The following CLASRP variants were observed in gnomAD, a reference collection of about 807,000 sequenced individuals.
CLASRP encodes CLK4 associating serine/arginine rich protein.
A neutral mutation model predicts 99.9 loss-of-function variants in CLASRP; 52 were observed. The observed-to-expected ratio is 0.52, with a 90% CI of 0.42 to 0.66. The LOEUF is 0.66. Ranked by LOEUF, CLASRP falls within the 30% of genes least tolerant of loss-of-function variation. CLASRP has a pLI of 0.00. For synonymous variants in CLASRP, 379 were observed against 373.0 expected (o/e 1.02, Z -0.18); for missense variants, 848 against 999.2 (o/e 0.85, Z 2.04).
chr19:45,060,323 A>T lies in CLASRP; in HGVS notation c.711-66A>T, dbSNP rs192316894. 28 of 1,438,326 alleles carry T rather than the reference A, an allele frequency of 1.9e-5. No individual in the cohort carries two copies. The Admixed American group carries it at 3.4e-4, about 17-fold the overall frequency. 89.1% of individuals were successfully genotyped at this position (1,438,326 alleles called of 1,614,324 possible). ...GGTCCCTCACTTTCTCTGATGACTC[A>T]GTCTGTGTCCTCCTTACCCTGTGGC... On this transcript the variant is annotated intron_variant, in intron 8 of 20. Transcript: ENST00000221455. This position sits in a 1 kb window ranked among gnomAD's most constrained non-coding sequence, Gnocchi z 4.6.
At position 45,059,378 on chromosome 19, in the gene CLASRP, G is replaced by T; in HGVS notation, c.710+14G>T. 3 of 1,566,036 alleles carry T rather than the reference G, an allele frequency of 1.9e-6. No individual in the cohort carries two copies. Among genetic ancestry groups the T allele is most frequent in the Non-Finnish European group, 2.6e-6 (3 of 1,152,996 alleles). On this transcript the variant is annotated intron_variant, in intron 8 of 20. Transcript: ENST00000221455. The stretch of plus-strand genomic sequence containing the variant: ...TGACTTCGTCAGGTGAGGCCTGCCT[G>T]CTGACACCCCTACCCATTCTGTGGG...
chr19:45,059,913 C>T (rs911760718), intron 8 of CLASRP, among the ~76,000 whole-genome samples: 9 of 152,098 alleles, frequency 5.9e-5, no homozygotes, highest in East Asian at 1.9e-4. Flanking sequence ...CACCATCCCC[C>T]GCTGCCCAGC....
intron 5 of CLASRP, among the ~76,000 whole-genome samples, chr19:45,053,671 G>A (rs1032171950): frequency 2.6e-5 from 4 of 152,100 alleles, no homozygotes; most frequent in Admixed American, 1.3e-4. Flanking sequence ...GTAGAGACGG[G>A]GTTTCGCCAT....
chr19:45,068,195 C>T (rs1967137756), intron 15 of CLASRP, 141 bp downstream of exon 15: 1 of 743,254 alleles, frequency 1.3e-6, no homozygotes, highest in Non-Finnish European at 2.4e-6. Context: ...AAGGGTCTGC[C>T]CCTGTGAGAA....
rs757292738 is a variant in CLASRP at position 45,069,202 on chromosome 19, G to T, written c.1828G>T (p.Glu610Ter). The T allele has an allele frequency of 6.2e-7, 1 of 1,614,106 alleles. No homozygotes were observed. Among genetic ancestry groups the T allele is most frequent in the Non-Finnish European group, 8.5e-7 (1 of 1,180,024 alleles). The change falls in exon 18 of 21, where the codon GAG becomes TAG. Residue 610 changes from glutamate (E) to a stop codon, truncating the protein, a stop_gained and splice_region_variant. Coordinates refer to ENST00000221455, the MANE Select transcript of CLASRP (RefSeq NM_007056.3). LOFTEE classifies it high-confidence loss of function. Reference sequence around the variant, plus strand: ...GTCCTCATAGCCCTGTCTGCTGCAGGAGCGGGAAGACGAGCTTCGAGCCAT... The same window carrying T: ...GTCCTCATAGCCCTGTCTGCTGCAGTAGCGGGAAGACGAGCTTCGAGCCAT... ...KMIQQEHERQ[E>*]REDELRAMAR...
intron 13 of CLASRP, among the ~76,000 whole-genome samples, 193 bp downstream of exon 13, chr19:45,064,823 C>T (rs1179808291): frequency 2.0e-5 from 3 of 152,200 alleles, no homozygotes; most frequent in African/African-American, 7.2e-5. Flanking sequence ...TGTTTGCGTG[C>T]GCGTTCTGGT....
At chr19:45,042,694 C>T (rs1042126685) in intron 2 of CLASRP, among the ~76,000 whole-genome samples, 9 of 151,564 alleles carry the variant, frequency 5.9e-5, no homozygotes, top group South Asian at 2.1e-4. Context: ...CTCACTGTAA[C>T]GTCCACCCCC....
chr19:45,053,060 CCTT>C (rs751362555), intron 4 of CLASRP, 35 bp from the exon 5 acceptor site: 53 of 1,611,180 alleles, frequency 3.3e-5, no homozygotes, highest in African/African-American at 1.2e-4. Flanking sequence ...GGGATCCACT[CCTT>C]CTCTCTGATT....
chr19:45,069,256 C>T lies in CLASRP; in HGVS notation c.1874+8C>T, dbSNP rs1967176973. The T allele has an allele frequency of 6.2e-7, 1 of 1,612,752 alleles. No homozygotes were observed. Among genetic ancestry groups the T allele is most frequent in the Non-Finnish European group, 8.5e-7 (1 of 1,179,932 alleles). On this transcript the variant is annotated splice_region_variant and intron_variant, in intron 18 of 20. Transcript: ENST00000221455. ...CCGCAAGATCCGCATGAAGTAAGAC[C>T]TTGCCCCTCCCTGTCCCATGGCCAC... is the stretch of plus-strand genomic sequence containing the variant.
At chr19:45,042,844 C>T (rs1430701509) in intron 2 of CLASRP, among the ~76,000 whole-genome samples, 6 of 152,020 alleles carry the variant, frequency 3.9e-5, no homozygotes, top group East Asian at 1.9e-4. Context: ...CTTGAACTCC[C>T]GACCTCAAGT....
chr19:45,042,310 T>C (rs1971827546), intron 2 of CLASRP, among the ~76,000 whole-genome samples: 1 of 152,044 alleles, frequency 6.6e-6, no homozygotes, highest in East Asian at 1.9e-4. Flanking sequence ...CCTCCTGGAC[T>C]CTTCTAGGGA....
At chr19:45,070,445 T>G (rs912176119) in intron 19 of CLASRP, 92 bp from the exon 20 acceptor site, 3 of 1,149,852 alleles carry the variant, frequency 2.6e-6, no homozygotes, top group Non-Finnish European at 4.0e-6. Flanking sequence ...AGACAACCCC[T>G]GAAGTTCAGT....
intron 13 of CLASRP, among the ~76,000 whole-genome samples, chr19:45,065,997 C>T (rs1600114435): frequency 6.6e-6 from 1 of 152,160 alleles, no homozygotes; most frequent in East Asian, 1.9e-4. Flanking sequence ...ATCCTGCTGA[C>T]CTGGCAAGCA....
intron 2 of CLASRP, among the ~76,000 whole-genome samples, chr19:45,041,578 A>G (rs185357412): frequency 1.3e-5 from 2 of 152,280 alleles, no homozygotes; most frequent in South Asian, 4.1e-4. Context: ...TTACTGCCCC[A>G]GCCTCCTCCC....
chr19:45,049,824 G>A (rs934524293), intron 2 of CLASRP, among the ~76,000 whole-genome samples: 2 of 152,154 alleles, frequency 1.3e-5, no homozygotes, highest in Admixed American at 6.5e-5. Context: ...TGGGAGTTAC[G>A]TTCTAACATG....
intron 7 of CLASRP, among the ~76,000 whole-genome samples, chr19:45,058,953 CCATCCATCCCTG>C (rs1466593062): frequency 6.6e-6 from 1 of 152,098 alleles, no homozygotes; most frequent in Non-Finnish European, 1.5e-5. Context: ...ATTCATCCAT[CCATCCATCCCTG>C]CATCCCTTCA....
chr19:45,068,113 T>TGGGCCCGGTGGGCCTGCAGGG (rs1967134915), intron 15 of CLASRP, 59 bp downstream of exon 15: 1 of 1,515,420 alleles, frequency 6.6e-7, no homozygotes, highest in Non-Finnish European at 9.2e-7. Flanking sequence ...GCCCAAGAGC[T>TGGGCCCGGTGGGCCTGCAGGG]GGGCCCGGTG....
chr19:45,056,346 C>T, intron 5 of CLASRP, 104 bp from the exon 6 acceptor site: 1 of 918,780 alleles, frequency 1.1e-6, no homozygotes. Flanking sequence ...CCAAGGTGCA[C>T]TGGGGTTGCA....
intron 5 of CLASRP, 114 bp from the exon 6 acceptor site, chr19:45,056,336 C>A (rs537895047): frequency 2.4e-6 from 2 of 832,416 alleles, no homozygotes; most frequent in South Asian, 2.9e-5. Context: ...TGACTGCCCC[C>A]CAAGGTGCAC....
Sources: gnomAD v4.1 joint callset for allele counts (sites outside exome capture counted in the v4.1 genomes callset) on GRCh38, gnomAD v4.1.1 for gene constraint, Gnocchi (gnomAD v3.1) non-coding constraint, MANE v1.5 for transcripts, NCBI Gene and HGNC (gene_info 2026-07-23, HGNC 2026-07-21) for gene names.